ATP2C2: variants seen among roughly 807,000 people sequenced by gnomAD.
ATP2C2 encodes the protein calcium-transporting ATPase type 2C member 2.
ATP2C2 carries 171 observed loss-of-function variants against 110.8 expected under a neutral mutation model. That is an observed-to-expected ratio of 1.54 (90% CI 1.36 to 1.75). ATP2C2 has a LOEUF of 1.75. ATP2C2 is among the 40% of genes most tolerant of loss of function. ATP2C2 has a pLI of 0.00. For synonymous variants in ATP2C2, 804 were observed against 508.4 expected (o/e 1.58, Z -7.82); for missense variants, 1,963 against 1,235.0 (o/e 1.59, Z -8.84).
rs147594876 is a variant in ATP2C2, at chr16:84,386,633, G to A, written c.100-11866G>A. ...CACTCCCACTGCGTATGCACACACAGACGCACACAGGTACTACCTAGAAAG... is the reference window on the plus strand; with the variant it reads ...CACTCCCACTGCGTATGCACACACAAACGCACACAGGTACTACCTAGAAAG... On this transcript the variant is annotated intron_variant, in intron 1 of 26. Transcript: ENST00000262429. 5.0e-3 allele frequency among the ~76,000 whole-genome samples: 766 copies of A among 152,302 alleles called. 5 individuals carry two copies. The highest frequency in any genetic ancestry group is 0.012 in the South Asian group (59 of 4,826).
intron 15 of ATP2C2, among the ~76,000 whole-genome samples, chr16:84,444,469 T>C (rs943120605): frequency 6.6e-6 from 1 of 152,208 alleles, no homozygotes; most frequent in African/African-American, 2.4e-5. Flanking sequence ...CAAGACTCCG[T>C]CTCAAAAAAA....
chr16:84,448,671 G>C lies in ATP2C2; in HGVS notation c.1642G>C (p.Gly548Arg). The change falls in exon 17 of 27, where the codon GGG becomes CGG. Residue 548 changes from glycine (G) to arginine (R), a missense_variant. Physicochemically the swap from Gly to Arg is moderately radical, Grantham distance 125. Coordinates refer to ENST00000262429, the MANE Select transcript of ATP2C2 (RefSeq NM_014861.4). The part of the protein sequence containing the change: ...SFCLQEEKRM[G>R]SLGLRVLALA... ...CTGCCTGCAGGAAGAGAAGAGGATG[G>C]GGTCGCTCGGTTTGCGGGGTCAGTG... The C allele has an allele frequency of 1.2e-6, 2 of 1,613,198 alleles. No homozygotes were observed. Among genetic ancestry groups the C allele is most frequent in the Non-Finnish European group, 1.7e-6 (2 of 1,179,590 alleles).
intron 4 of ATP2C2, among the ~76,000 whole-genome samples, chr16:84,409,841 C>T (rs369337536): frequency 3.3e-5 from 5 of 152,196 alleles, no homozygotes; most frequent in East Asian, 1.9e-4. Context: ...CACTTCTTTC[C>T]GTTTGTTCCA....
At chr16:84,428,114 G>A (rs755837247) in intron 11 of ATP2C2, among the ~76,000 whole-genome samples, 56 of 152,332 alleles carry the variant, frequency 3.7e-4, no homozygotes, top group Middle Eastern at 3.4e-3. Context: ...ACTCCTGGTG[G>A]ATTGAGGCAT....
intron 25 of ATP2C2, 58 bp downstream of exon 25, chr16:84,461,870 G>C (rs1019014922): frequency 5.6e-6 from 9 of 1,607,414 alleles, no homozygotes; most frequent in Non-Finnish European, 7.7e-6. Context: ...CGACAGCAGC[G>C]CCCCGACCCT....
chr16:84,434,376 G>A (rs1018548857), intron 11 of ATP2C2, among the ~76,000 whole-genome samples: 9 of 151,414 alleles, frequency 5.9e-5, no homozygotes, highest in African/African-American at 1.9e-4. Flanking sequence ...AGATTGCACC[G>A]CTGCACTCCA....
chr16:84,462,393 G>C, intron 26 of ATP2C2: 1 of 405,738 alleles, frequency 2.5e-6, no homozygotes, highest in South Asian at 5.0e-5. Flanking sequence ...GGCATCCCAG[G>C]CGTCGGGCTG....
At chr16:84,390,687 T>C (rs60958872) in intron 1 of ATP2C2, among the ~76,000 whole-genome samples, 1,550 of 152,114 alleles carry the variant, frequency 0.01, 39 homozygotes, top group African/African-American at 0.035. Flanking sequence ...GGTGAAAGTG[T>C]TTGGGGATGA....
intron 20 of ATP2C2, among the ~76,000 whole-genome samples, chr16:84,454,598 G>C (rs899822202): frequency 2.0e-5 from 3 of 152,162 alleles, no homozygotes; most frequent in African/African-American, 7.2e-5. Flanking sequence ...CAACAGCCCT[G>C]GGAAGAAGAA....
At chr16:84,453,992 C>A (rs1172579106) in intron 20 of ATP2C2, among the ~76,000 whole-genome samples, 1 of 152,120 alleles carries the variant, frequency 6.6e-6, no homozygotes, top group Admixed American at 6.5e-5. Context: ...CGGTGTGCAC[C>A]AGCACACCCG....
At chr16:84,389,790 C>T (rs1971945) in intron 1 of ATP2C2, among the ~76,000 whole-genome samples, 2 of 150,054 alleles carry the variant, frequency 1.3e-5, no homozygotes, top group Middle Eastern at 3.4e-3. Context: ...GCGCTATCTC[C>T]GCTCACTTCA....
chr16:84,410,518 C>G lies in ATP2C2; in HGVS notation c.418-50C>G. ...CCCCTAGCCTGCCACGCCCTGTCCC[C>G]CCTCCCACTGAGCCTCTGGTACTGA... On this transcript the variant is annotated intron_variant, in intron 4 of 26. Transcript: ENST00000262429. 5 of 1,595,948 alleles carry G rather than the reference C, an allele frequency of 3.1e-6. No homozygotes were observed. The Admixed American group carries it at 5.0e-5, about 16-fold the overall frequency.
chr16:84,370,297 G>A (rs575062698), intron 1 of ATP2C2, among the ~76,000 whole-genome samples: 34 of 152,352 alleles, frequency 2.2e-4, no homozygotes, highest in African/African-American at 6.3e-4. Flanking sequence ...GTGGACCGGG[G>A]TGCTCTCAGC....
At chr16:84,447,919 T>G (rs1022803490) in intron 16 of ATP2C2, among the ~76,000 whole-genome samples, 1 of 150,932 alleles carries the variant, frequency 6.6e-6, no homozygotes, top group Non-Finnish European at 1.5e-5. Flanking sequence ...TATTATCTTA[T>G]AACAGTGTTA....
chr16:84,385,365 T>C (rs1267836866), intron 1 of ATP2C2, among the ~76,000 whole-genome samples: 3 of 152,188 alleles, frequency 2.0e-5, no homozygotes, highest in Non-Finnish European at 2.9e-5. Context: ...TTCCCCATGA[T>C]GCAGTCACCT....
chr16:84,424,167 C>T (rs1907597281), intron 10 of ATP2C2, among the ~76,000 whole-genome samples: 2 of 152,214 alleles, frequency 1.3e-5, no homozygotes, highest in Admixed American at 6.5e-5. Flanking sequence ...GCCAAAACTG[C>T]GAAGCCAGAG....
In ATP2C2 at chr16:84,387,277, G is replaced by A. The variant is rs4782942; in HGVS notation, c.100-11222G>A. 1.8e-3 allele frequency among the ~76,000 whole-genome samples: 277 copies of A among 151,902 alleles called. 1 individual carries two copies. Among genetic ancestry groups the A allele is most frequent in the African/African-American group, 6.5e-3 (270 of 41,410 alleles). ...TGGCTCGTGCCTGTAATCCCAGCGC[G>A]TTGGGAGGCCCAGGCGAGTGGATCA... On this transcript the variant is annotated intron_variant, in intron 1 of 26. Transcript: ENST00000262429.
chr16:84,461,853 G>C, intron 25 of ATP2C2, 41 bp downstream of exon 25: 1 of 1,607,260 alleles, frequency 6.2e-7, no homozygotes, highest in Non-Finnish European at 8.5e-7. Context: ...GAGCTGCTGT[G>C]TGTTCTCGAC....
Position 84,442,601 on chromosome 16 carries a change from TAG to T in ATP2C2, c.1401+3_1401+4del. On this transcript the variant is annotated splice_donor_region_variant and intron_variant, in intron 15 of 26. Coordinates refer to ENST00000262429, the MANE Select transcript of ATP2C2 (RefSeq NM_014861.4). Reference sequence around the variant, plus strand: ...GCATTGATGGCCCTGGCGATGAAGGTAGGAGGTCCTGGGGTGGCTCTGCGGGG... The same window carrying T: ...GCATTGATGGCCCTGGCGATGAAGGTGAGGTCCTGGGGTGGCTCTGCGGGG... 1 of 1,613,506 alleles carries T rather than the reference TAG, an allele frequency of 6.2e-7. No homozygotes were observed. Among genetic ancestry groups the T allele is most frequent in the Non-Finnish European group, 8.5e-7 (1 of 1,179,708 alleles).
Sources: gnomAD v4.1 joint callset for allele counts (sites outside exome capture counted in the v4.1 genomes callset) on GRCh38, gnomAD v4.1.1 for gene constraint, MANE v1.5 for transcripts, NCBI Gene and HGNC (gene_info 2026-07-23, HGNC 2026-07-21) for gene names.